The following SLC7A1 variants were observed in gnomAD, a reference collection of about 807,000 sequenced individuals.
The protein encoded by SLC7A1 is high affinity cationic amino acid transporter 1.
A neutral mutation model predicts 53.9 loss-of-function variants in SLC7A1; 10 were observed. The observed-to-expected ratio is 0.19, with a 90% CI of 0.11 to 0.31. The LOEUF (loss-of-function observed/expected upper bound fraction) is 0.31. SLC7A1 is among the 10% of genes least tolerant of loss of function. The pLI is 1.00. For missense variants in SLC7A1, 525 were observed against 827.2 expected (o/e 0.63, Z 4.48); for synonymous variants, 342 against 338.7 (o/e 1.01, Z -0.11).
intron 1 of SLC7A1, among the ~76,000 whole-genome samples, chr13:29,562,218 T>C (rs1243357744): frequency 1.3e-5 from 2 of 152,254 alleles, no homozygotes; most frequent in Non-Finnish European, 2.9e-5. Flanking sequence ...GGCAAACTCA[T>C]AGAATGGATT....
At chr13:29,589,247 G>A (rs1194235522) in intron 1 of SLC7A1, among the ~76,000 whole-genome samples, 1 of 152,274 alleles carries the variant, frequency 6.6e-6, no homozygotes, top group Non-Finnish European at 1.5e-5. Flanking sequence ...ATGGAACACA[G>A]AAAAGGAAGC....
chr13:29,561,805 C>T (rs779248723), intron 1 of SLC7A1, among the ~76,000 whole-genome samples: 97 of 152,100 alleles, frequency 6.4e-4, no homozygotes, highest in Non-Finnish European at 1.1e-3. Flanking sequence ...GTGATGGGCC[C>T]CACACATGGC....
chr13:29,572,795 C>A (rs866008802), intron 1 of SLC7A1, among the ~76,000 whole-genome samples: 2 of 152,166 alleles, frequency 1.3e-5, no homozygotes, highest in Non-Finnish European at 2.9e-5. Context: ...TCCTGGGAAA[C>A]CTGCATGGGA....
intron 2 of SLC7A1, among the ~76,000 whole-genome samples, chr13:29,552,375 G>C (rs949197588): frequency 6.6e-6 from 1 of 152,072 alleles, no homozygotes; most frequent in Admixed American, 6.5e-5. Flanking sequence ...ATGGAAAAAT[G>C]ACCAGAGCAA....
chr13:29,515,693 C>T (rs942477849), intron 12 of SLC7A1, among the ~76,000 whole-genome samples: 1 of 152,210 alleles, frequency 6.6e-6, no homozygotes, highest in Non-Finnish European at 1.5e-5. Context: ...TGTGGAAGCT[C>T]CCCACCCTAG....
At chr13:29,580,432 T>G (rs1429789753) in intron 1 of SLC7A1, among the ~76,000 whole-genome samples, 1 of 152,080 alleles carries the variant, frequency 6.6e-6, no homozygotes, top group Non-Finnish European at 1.5e-5. Context: ...CTCCCCGTTT[T>G]GAGATCTATT....
At chr13:29,592,567 T>C (rs975767320) in intron 1 of SLC7A1, among the ~76,000 whole-genome samples, 1 of 152,190 alleles carries the variant, frequency 6.6e-6, no homozygotes, top group African/African-American at 2.4e-5. Flanking sequence ...TAAGCCTGGA[T>C]TGACAGATCA....
intron 2 of SLC7A1, among the ~76,000 whole-genome samples, chr13:29,539,187 A>G (rs1422146883): frequency 6.6e-6 from 1 of 152,140 alleles, no homozygotes; most frequent in African/African-American, 2.4e-5. Context: ...CTCCTTTCTC[A>G]AAAACGTGCT....
rs545737558 is a variant in SLC7A1 at position 29,511,722 on chromosome 13, C to T, written c.*2758G>A. On this transcript the variant is annotated 3_prime_UTR_variant, in exon 13 of 13. Coordinates refer to ENST00000380752, the MANE Select transcript of SLC7A1 (RefSeq NM_003045.5). The stretch of plus-strand genomic sequence containing the variant: ...TTGCTGCTTCATGAATTTGGGCCTT[C>T]GGAGGTCATGAACACATGCAGGGCA... The T allele has an allele frequency of 5.9e-5, 9 of 152,296 alleles. No homozygotes were observed. Among genetic ancestry groups the T allele is most frequent in the Non-Finnish European group, 1.2e-4 (8 of 68,064 alleles). The allele number at this position is 152,296 out of a possible 1,614,324, so 9.4% of individuals were successfully genotyped here.
chr13:29,532,364 G>A (rs915549029), intron 4 of SLC7A1, among the ~76,000 whole-genome samples: 1 of 152,204 alleles, frequency 6.6e-6, no homozygotes, highest in Non-Finnish European at 1.5e-5. Context: ...GTTGTTAGGT[G>A]TAAAAACCAT....
intron 2 of SLC7A1, among the ~76,000 whole-genome samples, chr13:29,538,093 T>A (rs142361814): frequency 0.012 from 1,761 of 152,248 alleles, 28 homozygotes; most frequent in African/African-American, 0.039. Context: ...ATCTCAAGAC[T>A]CATAAAATTT....
chr13:29,565,817 G>A lies in SLC7A1; in HGVS notation c.-114-11957C>T, dbSNP rs145944397. Among the ~76,000 whole-genome samples, 305 of 152,242 alleles carry A rather than the reference G, an allele frequency of 2.0e-3. 5 individuals carry two copies. In the East Asian group the frequency reaches 0.048, roughly 24 times the overall value. On this transcript the variant is annotated intron_variant, in intron 1 of 12. Coordinates refer to ENST00000380752, the MANE Select transcript of SLC7A1 (RefSeq NM_003045.5). ...TACCATTTCCCTGCTCCCAGTTCTC[G>A]GGCAGCCTCTTCAAGTTATCCCCAT... is the stretch of plus-strand genomic sequence containing the variant.
chr13:29,580,281 G>A (rs1290502142), intron 1 of SLC7A1, among the ~76,000 whole-genome samples: 1 of 152,182 alleles, frequency 6.6e-6, no homozygotes, highest in Non-Finnish European at 1.5e-5. Context: ...TCCCCAGGAG[G>A]ACTCCCGAGG....
chr13:29,548,320 C>T (rs576703208), intron 2 of SLC7A1, among the ~76,000 whole-genome samples: 5 of 152,314 alleles, frequency 3.3e-5, no homozygotes, highest in South Asian at 2.1e-4. Context: ...TTGGAAGGAA[C>T]GCAAGTGAAT....
In SLC7A1 at chr13:29,590,106, A is replaced by C. The variant is rs78563774; in HGVS notation, c.-115+5310T>G. ...ACTTCGAACACGTCCATAACAGATC[A>C]ACTCCAGCCACTTTGTGGGGAGGAT... On this transcript the variant is annotated intron_variant, in intron 1 of 12. Coordinates refer to ENST00000380752, the MANE Select transcript of SLC7A1 (RefSeq NM_003045.5). 6.4e-4 allele frequency among the ~76,000 whole-genome samples: 97 copies of C among 152,274 alleles called. 1 individual carries two copies. In the East Asian group the frequency reaches 0.017, roughly 26 times the overall value.
chr13:29,583,254 G>A (rs1384331271), intron 1 of SLC7A1, among the ~76,000 whole-genome samples: 1 of 152,190 alleles, frequency 6.6e-6, no homozygotes, highest in Non-Finnish European at 1.5e-5. Flanking sequence ...AGGAACAAGG[G>A]CAATTCCCAG....
chr13:29,517,463 G>T, intron 10 of SLC7A1, 110 bp downstream of exon 10: 1 of 1,215,054 alleles, frequency 8.2e-7, no homozygotes, highest in Non-Finnish European at 1.2e-6. Flanking sequence ...CCCAGTCCAG[G>T]AGCAAGACAG....
At chr13:29,565,313 T>C (rs1870921969) in intron 1 of SLC7A1, among the ~76,000 whole-genome samples, 1 of 152,042 alleles carries the variant, frequency 6.6e-6, no homozygotes, top group Non-Finnish European at 1.5e-5. Flanking sequence ...ACAAATACAA[T>C]ACAGCAGGGT....
At chr13:29,533,034 G>A (rs2139098933) in intron 3 of SLC7A1, 52 bp from the exon 4 acceptor site, 1 of 1,532,682 alleles carries the variant, frequency 6.5e-7, no homozygotes, top group Non-Finnish European at 8.8e-7. Flanking sequence ...TGTTAGCCAG[G>A]TATTTGTAGT....
Sources: allele counts gnomAD v4.1 joint callset (sites outside exome capture counted in the v4.1 genomes callset), GRCh38; gene constraint gnomAD v4.1.1; transcripts MANE v1.5; gene names NCBI Gene and HGNC (gene_info 2026-07-23, HGNC 2026-07-21).